Variants in LRRC4C observed in about 807,000 individuals in gnomAD.
LRRC4C encodes the protein leucine rich repeat containing 4C.
In LRRC4C, 5 loss-of-function variants were observed where a neutral mutation model predicts 33.6. That is an observed-to-expected ratio of 0.15 (90% CI 0.08 to 0.31). LRRC4C has a LOEUF of 0.31. Ranked by LOEUF, LRRC4C falls within the 10% of genes least tolerant of loss-of-function variation. LRRC4C has a pLI of 1.00. For synonymous variants in LRRC4C, 329 were observed against 302.0 expected (o/e 1.09, Z -0.93); for missense variants, 560 against 796.7 (o/e 0.70, Z 3.58).
intron 6 of LRRC4C, among the ~76,000 whole-genome samples, chr11:40,132,223 C>A (rs534660966): frequency 1.2e-4 from 18 of 152,272 alleles, no homozygotes; most frequent in South Asian, 2.1e-4. Flanking sequence ...ACGTGTTTAG[C>A]AAGTACATTT....
intron 1 of LRRC4C, among the ~76,000 whole-genome samples, chr11:41,092,607 T>C (rs2135554422): frequency 6.6e-6 from 1 of 152,310 alleles, no homozygotes. Flanking sequence ...AATTGGAAGA[T>C]GAAAGAAACC....
Position 41,302,012 on chromosome 11 carries a change from A to G in LRRC4C, c.-496+157419T>C, listed in dbSNP as rs147606848. On this transcript the variant is annotated intron_variant, in intron 1 of 6. Transcript: ENST00000528697. ...GATATCATGCCCTTTTACTCCTAAT[A>G]ATTTCAGAAAATTTAACCTTGATCC... 6.3e-3 allele frequency among the ~76,000 whole-genome samples: 956 copies of G among 152,306 alleles called. 41 individuals carry two copies. In the East Asian group the frequency reaches 0.067, roughly 11 times the overall value.
chr11:40,857,669 C>G (rs1014993964), intron 2 of LRRC4C, among the ~76,000 whole-genome samples: 12 of 152,134 alleles, frequency 7.9e-5, no homozygotes, highest in African/African-American at 2.9e-4. Flanking sequence ...AATCCTAACA[C>G]TTTGGGAGGC....
At chr11:41,393,646 T>C (rs1434693645) in intron 1 of LRRC4C, among the ~76,000 whole-genome samples, 5 of 151,952 alleles carry the variant, frequency 3.3e-5, no homozygotes, top group African/African-American at 1.2e-4. Flanking sequence ...AGTTTCTGTA[T>C]ACCTTATGGG....
chr11:41,224,619 T>C (rs1947449675), intron 1 of LRRC4C, among the ~76,000 whole-genome samples: 1 of 152,224 alleles, frequency 6.6e-6, no homozygotes, highest in Non-Finnish European at 1.5e-5. Context: ...TAATCACATT[T>C]GTTTAATTCA....
chr11:40,887,121 A>C (rs1394091910), intron 2 of LRRC4C, among the ~76,000 whole-genome samples: 1 of 151,762 alleles, frequency 6.6e-6, no homozygotes, highest in Non-Finnish European at 1.5e-5. Flanking sequence ...GCCATTCTTC[A>C]TGACTATTTG....
At chr11:40,612,545 T>C (rs1023815881) in intron 3 of LRRC4C, among the ~76,000 whole-genome samples, 5 of 151,920 alleles carry the variant, frequency 3.3e-5, no homozygotes, top group African/African-American at 1.2e-4. Flanking sequence ...CTATATGTTT[T>C]TACCATCATT....
chr11:40,618,473 G>A lies in LRRC4C; in HGVS notation c.-270+29669C>T, dbSNP rs117717586. On this transcript the variant is annotated intron_variant, in intron 3 of 6. Transcript: ENST00000528697. ...CCAGATCTTGAAATAAAATGTTTCT[G>A]TTGTTTTAAGTCACCTGGTTTATGG... Among the ~76,000 whole-genome samples, 325 of 151,700 alleles carry A rather than the reference G, an allele frequency of 2.1e-3. 10 individuals carry two copies. The East Asian group carries it at 0.046, about 21-fold the overall frequency.
intron 5 of LRRC4C, among the ~76,000 whole-genome samples, chr11:40,165,806 G>A (rs977995902): frequency 4.6e-5 from 7 of 152,082 alleles, no homozygotes; most frequent in South Asian, 2.1e-4. Context: ...TTAGCCGGGC[G>A]TGGTGGTGCA....
At chr11:41,139,349 C>T (rs762186348) in intron 1 of LRRC4C, among the ~76,000 whole-genome samples, 25 of 152,086 alleles carry the variant, frequency 1.6e-4, no homozygotes, top group Non-Finnish European at 3.5e-4. Flanking sequence ...GATCTGTAAC[C>T]AAAGCATGTC....
chr11:40,953,114 G>A (rs140019209), intron 1 of LRRC4C, among the ~76,000 whole-genome samples: 2 of 151,854 alleles, frequency 1.3e-5, no homozygotes, highest in African/African-American at 4.8e-5. Flanking sequence ...AACGTCTAAT[G>A]ATTTTTGTTT....
At chr11:40,319,962 T>A (rs1945760028) in intron 3 of LRRC4C, among the ~76,000 whole-genome samples, 1 of 152,068 alleles carries the variant, frequency 6.6e-6, no homozygotes, top group African/African-American at 2.4e-5. Context: ...TATAAATATA[T>A]ACATATATCT....
At chr11:41,013,451 A>G (rs1282073631) in intron 1 of LRRC4C, among the ~76,000 whole-genome samples, 2 of 152,176 alleles carry the variant, frequency 1.3e-5, no homozygotes, top group African/African-American at 4.8e-5. Flanking sequence ...GAATACATAG[A>G]CATCTTTTTG....
chr11:40,813,709 G>A (rs887559972), intron 2 of LRRC4C, among the ~76,000 whole-genome samples: 2 of 151,956 alleles, frequency 1.3e-5, no homozygotes, highest in African/African-American at 4.8e-5. Context: ...TCAAAAGCAC[G>A]ATAGTTACTT....
At chr11:41,335,771 C>T (rs941418641) in intron 1 of LRRC4C, among the ~76,000 whole-genome samples, 31 of 152,184 alleles carry the variant, frequency 2.0e-4, no homozygotes, top group Admixed American at 6.5e-5. Flanking sequence ...ATCTCCCTCT[C>T]CTCCGTTCTC....
chr11:40,799,681 G>T (rs1452595715), intron 2 of LRRC4C, among the ~76,000 whole-genome samples: 1 of 152,134 alleles, frequency 6.6e-6, no homozygotes, highest in Admixed American at 6.5e-5. Flanking sequence ...TGTTGGCCAG[G>T]CTGGTCTTGA....
At chr11:40,397,564 T>C (rs372824284) in intron 3 of LRRC4C, among the ~76,000 whole-genome samples, 1 of 152,258 alleles carries the variant, frequency 6.6e-6, no homozygotes, top group East Asian at 1.9e-4. Context: ...AGGGTGACTG[T>C]TGACAAATTG....
At chr11:40,866,965 G>T (rs1477213597) in intron 2 of LRRC4C, among the ~76,000 whole-genome samples, 1 of 151,784 alleles carries the variant, frequency 6.6e-6, no homozygotes, top group African/African-American at 2.4e-5. Context: ...CTTTCCTCAT[G>T]CCCCCTCCAT....
chr11:40,609,513 T>C (rs1025400933), intron 3 of LRRC4C, among the ~76,000 whole-genome samples: 1 of 151,748 alleles, frequency 6.6e-6, no homozygotes, highest in African/African-American at 2.4e-5. Flanking sequence ...GAAGAACAAT[T>C]TAAGTTCAAA....
Sources: allele counts gnomAD v4.1 joint callset (sites outside exome capture counted in the v4.1 genomes callset), GRCh38; gene constraint gnomAD v4.1.1; transcripts MANE v1.5; gene names NCBI Gene and HGNC (gene_info 2026-07-23, HGNC 2026-07-21).